DPP6: variants seen among roughly 807,000 people sequenced by gnomAD.
The protein encoded by DPP6 is dipeptidyl peptidase like 6.
A neutral mutation model predicts 122.6 loss-of-function variants in DPP6; 69 were observed. That is an observed-to-expected ratio of 0.56 (90% confidence interval 0.46 to 0.69). The LOEUF is 0.69. Among genes scored for constraint, DPP6 ranks in the 30% least tolerant of loss-of-function variants. The pLI, the probability that DPP6 is intolerant of heterozygous loss-of-function variation, is 0.00. For synonymous variants in DPP6, 418 were observed against 433.1 expected, an observed-to-expected ratio of 0.97 and a Z score of 0.43; for missense variants, 928 against 1,116.9, an observed-to-expected ratio of 0.83 and a Z score of 2.41.
chr7:154,201,533 C>G (rs1457943418), intron 1 of DPP6, among the ~76,000 whole-genome samples: 1 of 152,166 alleles, frequency 6.6e-6, no homozygotes, highest in Admixed American at 6.5e-5. Context: ...GGGCCTCATC[C>G]ACATTTAAAT....
intron 1 of DPP6, among the ~76,000 whole-genome samples, chr7:154,292,383 C>T (rs774214655): frequency 6.6e-6 from 1 of 152,144 alleles, no homozygotes; most frequent in East Asian, 1.9e-4. Flanking sequence ...CTGGCTCAAA[C>T]GTGGCTAATT....
intron 8 of DPP6, among the ~76,000 whole-genome samples, chr7:154,749,226 A>G (rs12672315): frequency 0.58 from 17,427 of 29,842 alleles, 5,889 homozygotes; most frequent in Non-Finnish European, 0.72. Flanking sequence ...AGCATAGGAC[A>G]GGAGGGAGAG....
chr7:153,939,401 T>G (rs977951099), intron 1 of DPP6, among the ~76,000 whole-genome samples: 2 of 152,226 alleles, frequency 1.3e-5, no homozygotes, highest in South Asian at 4.1e-4. Flanking sequence ...AAAACAGACA[T>G]GGCCTCGGGG....
chr7:153,879,695 ATCTCTTAAAAAG>A, the DPP6 span, among the ~76,000 whole-genome samples: 1 of 152,194 alleles, frequency 6.6e-6, no homozygotes. Context: ...GGTCCAAAAT[ATCTCTTAAAAAG>A]TCATTTAACC....
At chr7:154,715,915 C>T (rs1841457792) in intron 7 of DPP6, among the ~76,000 whole-genome samples, 1 of 152,078 alleles carries the variant, frequency 6.6e-6, no homozygotes, top group South Asian at 2.1e-4. Context: ...TTCTCCAAAC[C>T]TTCTCTTCCT....
At chr7:154,006,153 G>A (rs1338002536) in intron 1 of DPP6, among the ~76,000 whole-genome samples, 1 of 152,178 alleles carries the variant, frequency 6.6e-6, no homozygotes, top group African/African-American at 2.4e-5. Context: ...GCACATACGA[G>A]GTAGCAGCAT....
the DPP6 span, among the ~76,000 whole-genome samples, chr7:153,811,171 G>A: frequency 2.0e-5 from 3 of 152,188 alleles, no homozygotes; most frequent in African/African-American, 7.2e-5. Flanking sequence ...AGGCTGTGGA[G>A]ACCAGCTCAC....
intron 1 of DPP6, among the ~76,000 whole-genome samples, chr7:154,314,303 G>C (rs1412039953): frequency 6.6e-6 from 1 of 152,168 alleles, no homozygotes; most frequent in Admixed American, 6.5e-5. Flanking sequence ...TCTTGGCATG[G>C]AGATTTCAAA....
intron 1 of DPP6, among the ~76,000 whole-genome samples, chr7:154,163,923 G>C (rs1174083746): frequency 6.6e-6 from 1 of 152,114 alleles, no homozygotes; most frequent in Non-Finnish European, 1.5e-5. Context: ...GTCTCACTCA[G>C]CTTCAGCTCA....
intron 1 of DPP6, among the ~76,000 whole-genome samples, chr7:154,438,422 A>G (rs776807980): frequency 3.6e-5 from 5 of 139,800 alleles, no homozygotes; most frequent in African/African-American, 5.2e-5. Context: ...GTGAGTCGAG[A>G]TAGCACCACT....
chr7:154,162,663 AC>A (rs1797041550), intron 1 of DPP6, among the ~76,000 whole-genome samples: 1 of 152,122 alleles, frequency 6.6e-6, no homozygotes, highest in Non-Finnish European at 1.5e-5. Flanking sequence ...GTGGAATTTA[AC>A]ACCTGGAATC....
chr7:154,325,241 G>A (rs2337888), intron 1 of DPP6, among the ~76,000 whole-genome samples: 92,638 of 151,858 alleles, frequency 0.61, 29,002 homozygotes, highest in East Asian at 0.7. Context: ...CTGCGAATCG[G>A]CAGAGTTGGG....
chr7:153,867,536 TAAG>T, the DPP6 span, among the ~76,000 whole-genome samples: 3 of 152,364 alleles, frequency 2.0e-5, no homozygotes, highest in African/African-American at 7.2e-5. Context: ...CTTATCAGCT[TAAG>T]GAGATTTTGG....
chr7:154,652,589 A>G (rs907002375), intron 6 of DPP6, among the ~76,000 whole-genome samples: 1 of 152,052 alleles, frequency 6.6e-6, no homozygotes, highest in Non-Finnish European at 1.5e-5. Context: ...ATGCTAGAAC[A>G]TGCACATGTA....
chr7:154,005,149 A>G (rs1165744091), intron 1 of DPP6, among the ~76,000 whole-genome samples: 1 of 151,732 alleles, frequency 6.6e-6, no homozygotes, highest in African/African-American at 2.4e-5. Context: ...CAATTGAAAG[A>G]AGCCAAGACT....
chr7:154,496,276 C>A (rs189784139), intron 3 of DPP6, among the ~76,000 whole-genome samples: 1 of 152,140 alleles, frequency 6.6e-6, no homozygotes, highest in African/African-American at 2.4e-5. Context: ...GAATCCAAGA[C>A]TGCAAATCTC....
chr7:154,456,159 C>T (rs956074057), intron 2 of DPP6, among the ~76,000 whole-genome samples: 4 of 152,126 alleles, frequency 2.6e-5, no homozygotes, highest in Admixed American at 1.3e-4. Context: ...CTAAGCAGGT[C>T]GGGGAACTAG....
chr7:154,617,988 G>A (rs973787037), intron 5 of DPP6, among the ~76,000 whole-genome samples: 4 of 152,098 alleles, frequency 2.6e-5, no homozygotes, highest in African/African-American at 9.7e-5. Flanking sequence ...AGGCCATAGG[G>A]GCTGCAGACC....
At chr7:154,890,776 A>C (rs1806538190) in intron 25 of DPP6, 1 of 152,236 alleles carries the variant, frequency 6.6e-6, no homozygotes, top group African/African-American at 2.4e-5. Context: ...AGGCAGGAGG[A>C]GAAAGCTTCC....
Sources: gnomAD v4.1 joint callset for allele counts (sites outside exome capture counted in the v4.1 genomes callset) on GRCh38, gnomAD v4.1.1 for gene constraint, MANE v1.5 for transcripts, NCBI Gene and HGNC (gene_info 2026-07-23, HGNC 2026-07-21) for gene names.